The following ELMO1 variants were observed in gnomAD, a reference collection of about 807,000 sequenced individuals.
The protein encoded by ELMO1 is engulfment and cell motility 1.
A neutral mutation model predicts 98.9 loss-of-function variants in ELMO1; 26 were observed. The ratio of observed to expected loss-of-function variants is 0.26; its 90% CI spans 0.19 to 0.36. The LOEUF (loss-of-function observed/expected upper bound fraction) is 0.36. ELMO1 is among the 10% of genes least tolerant of loss of function. The pLI is 1.00. For synonymous variants in ELMO1, 346 were observed against 346.0 expected (o/e 1.00, Z 0.00); for missense variants, 627 against 935.2 (o/e 0.67, Z 4.30).
intron 15 of ELMO1, among the ~76,000 whole-genome samples, chr7:37,091,050 T>C (rs964624596): frequency 2.0e-5 from 3 of 152,214 alleles, no homozygotes; most frequent in Non-Finnish European, 1.5e-5. Context: ...GAGTAATTGA[T>C]CCATTTGTAC....
chr7:37,430,682 G>A (rs867995658), intron 1 of ELMO1, among the ~76,000 whole-genome samples: 3 of 152,242 alleles, frequency 2.0e-5, no homozygotes, highest in Admixed American at 2.0e-4. Context: ...TGGAGAAGAG[G>A]TTCAAAACTC....
chr7:37,027,235 T>C (rs1295820509), intron 15 of ELMO1, among the ~76,000 whole-genome samples: 1 of 152,170 alleles, frequency 6.6e-6, no homozygotes, highest in Non-Finnish European at 1.5e-5. Context: ...GCAAATTCAT[T>C]GCACAAATTC....
chr7:36,926,338 G>C (rs924525331), intron 16 of ELMO1, among the ~76,000 whole-genome samples: 3 of 152,210 alleles, frequency 2.0e-5, no homozygotes, highest in Non-Finnish European at 2.9e-5. Flanking sequence ...TTAGTGACAA[G>C]GGTAGGACCC....
At chr7:37,231,981 T>A (rs1436176643) in intron 8 of ELMO1, among the ~76,000 whole-genome samples, 1 of 152,012 alleles carries the variant, frequency 6.6e-6, no homozygotes, top group Non-Finnish European at 1.5e-5. Context: ...ACCTCCCAAG[T>A]AGGCGGGATT....
chr7:37,194,987 G>A (rs1051666417), intron 13 of ELMO1, among the ~76,000 whole-genome samples: 2 of 152,328 alleles, frequency 1.3e-5, no homozygotes. Flanking sequence ...TGTGCTGGGT[G>A]CAAGAGATGC....
intron 14 of ELMO1, among the ~76,000 whole-genome samples, chr7:37,116,513 G>A (rs1438567631): frequency 6.6e-6 from 1 of 152,172 alleles, no homozygotes; most frequent in Non-Finnish European, 1.5e-5. Flanking sequence ...CAGTGAGGGA[G>A]TCAGGAACAT....
chr7:37,239,776 A>C (rs1794662820), intron 7 of ELMO1, among the ~76,000 whole-genome samples: 2 of 152,326 alleles, frequency 1.3e-5, no homozygotes, highest in Admixed American at 1.3e-4. Flanking sequence ...TCTTAGAGGA[A>C]TCCCATAATG....
chr7:37,395,367 CAAAAA>C (rs59452486), intron 1 of ELMO1, among the ~76,000 whole-genome samples: 8 of 66,190 alleles, frequency 1.2e-4, no homozygotes, highest in Middle Eastern at 8.6e-3. Flanking sequence ...AACTCCATCT[CAAAAA>C]AAAAAAAAAA....
At chr7:37,381,971 TA>T (rs1162490135) in intron 1 of ELMO1, among the ~76,000 whole-genome samples, 1 of 152,186 alleles carries the variant, frequency 6.6e-6, no homozygotes, top group Non-Finnish European at 1.5e-5. Flanking sequence ...AAAAATTATA[TA>T]GTAGTTTTCT....
chr7:37,216,658 G>C lies in ELMO1; in HGVS notation c.818C>G (p.Ser273Cys), dbSNP rs1214032753. 1 of 1,614,134 alleles carries C rather than the reference G, an allele frequency of 6.2e-7. No individual in the cohort carries two copies. The highest frequency in any genetic ancestry group is 8.5e-7 in the Non-Finnish European group (1 of 1,180,002). ...ATAGGTACTCACTGTTAAAATGATG[G>C]AACGCAGTTGCTTCTGAGCCAAAAT... ...ANILAQKQLR[S>C]IILTHVIRAQ... The change falls in exon 11 of 22, where the codon TCC (serine) becomes TGC (cysteine). Residue 273 changes from serine (S) to cysteine (C), a missense_variant. Around this residue, in one of 3 missense-constraint regions of ELMO1, gnomAD observed 492 missense variants for 715.6 expected, o/e 0.69. Transcript: ENST00000310758.
At chr7:36,967,928 G>A (rs17170812) in intron 16 of ELMO1, among the ~76,000 whole-genome samples, 28,291 of 151,958 alleles carry the variant, frequency 0.19, 2,912 homozygotes, top group African/African-American at 0.26. Context: ...TGCTTTGCCT[G>A]TTATTATAAC....
chr7:36,980,487 A>T (rs1790954096), intron 16 of ELMO1, among the ~76,000 whole-genome samples: 1 of 152,236 alleles, frequency 6.6e-6, no homozygotes, highest in Non-Finnish European at 1.5e-5. Flanking sequence ...TTACCCATGT[A>T]AAGTTGCTGA....
chr7:37,039,956 G>A (rs778453440), intron 15 of ELMO1, among the ~76,000 whole-genome samples: 2 of 152,120 alleles, frequency 1.3e-5, no homozygotes, highest in Admixed American at 6.5e-5. Flanking sequence ...GGACAGTACT[G>A]TAATGTAACA....
chr7:37,387,033 C>G (rs1352573522), intron 1 of ELMO1, among the ~76,000 whole-genome samples: 1 of 152,210 alleles, frequency 6.6e-6, no homozygotes, highest in East Asian at 1.9e-4. Flanking sequence ...TAAGAAACCT[C>G]TGTTCCAGGT....
At chr7:37,387,094 G>A (rs1402893401) in intron 1 of ELMO1, among the ~76,000 whole-genome samples, 2 of 152,172 alleles carry the variant, frequency 1.3e-5, no homozygotes, top group Non-Finnish European at 2.9e-5. Context: ...ATAGCATAAA[G>A]AATAAACCCA....
intron 2 of ELMO1, among the ~76,000 whole-genome samples, chr7:37,339,875 A>G (rs1429256556): frequency 1.3e-5 from 2 of 152,210 alleles, no homozygotes; most frequent in African/African-American, 2.4e-5. Flanking sequence ...ATGATGAGCC[A>G]AAAAGGACAC....
chr7:37,371,591 G>A (rs1157856992), intron 1 of ELMO1, among the ~76,000 whole-genome samples: 1 of 152,088 alleles, frequency 6.6e-6, no homozygotes, highest in Non-Finnish European at 1.5e-5. Flanking sequence ...ATTTCAATTG[G>A]CTATGTCTTA....
In ELMO1 at chr7:37,134,573, A is replaced by AAG. The variant is rs1554421616; in HGVS notation, c.1087-1340_1087-1339insCT. 2.1e-3 allele frequency among the ~76,000 whole-genome samples: 314 copies of AAG among 151,704 alleles called. 1 individual carries two copies. The highest frequency in any genetic ancestry group is 7.0e-3 in the African/African-American group (290 of 41,280). On this transcript the variant is annotated intron_variant, in intron 13 of 21. Transcript: ENST00000310758. ...GACTCCATCTCAAAAAAAAAAAAAA[A>AAG]AAGAAGAAATCATTATACCAAAAAG... is the stretch of plus-strand genomic sequence containing the variant.
chr7:37,080,367 C>T (rs956558975), intron 15 of ELMO1, among the ~76,000 whole-genome samples: 3 of 151,896 alleles, frequency 2.0e-5, no homozygotes, highest in Non-Finnish European at 2.9e-5. Flanking sequence ...TCTCTTTCTA[C>T]GTAGAGTAAA....
Sources: gnomAD v4.1 joint callset for allele counts (sites outside exome capture counted in the v4.1 genomes callset) on GRCh38, gnomAD v4.1.1 for gene constraint, gnomAD v4.1.1 regional missense constraint, MANE v1.5 for transcripts, NCBI Gene and HGNC (gene_info 2026-07-23, HGNC 2026-07-21) for gene names.